The following PACS1 variants were observed in gnomAD, a reference collection of about 807,000 sequenced individuals.
The protein encoded by PACS1 is PACS-1.
PACS1 carries 24 observed loss-of-function variants against 115.0 expected under a neutral mutation model. That is an observed-to-expected ratio of 0.21 (90% CI 0.15 to 0.29). The LOEUF (loss-of-function observed/expected upper bound fraction) is 0.29, where lower values mean the gene tolerates loss of function less well. Ranked by LOEUF, PACS1 falls within the 10% of genes least tolerant of loss-of-function variation. The pLI is 1.00. For synonymous variants in PACS1, 453 were observed against 504.5 expected (o/e 0.90, Z 1.37); for missense variants, 838 against 1,251.2 (o/e 0.67, Z 4.98).
chr11:66,200,110 G>A (rs748692480), intron 2 of PACS1, among the ~76,000 whole-genome samples: 2 of 152,184 alleles, frequency 1.3e-5, no homozygotes, highest in African/African-American at 4.8e-5. Context: ...AGCACTTTGG[G>A]AGGCTGAGGT....
At chr11:66,180,379 G>A (rs1234943138) in intron 1 of PACS1, among the ~76,000 whole-genome samples, 1 of 151,072 alleles carries the variant, frequency 6.6e-6, no homozygotes, top group East Asian at 2.0e-4. Flanking sequence ...TGTGTGAAAC[G>A]GAGTCTCACT....
At chr11:66,224,335 T>C (rs1855427246) in intron 10 of PACS1, among the ~76,000 whole-genome samples, 4 of 152,124 alleles carry the variant, frequency 2.6e-5, no homozygotes, top group African/African-American at 9.7e-5. Flanking sequence ...CTCCACTGAC[T>C]GTGTGATCTT....
chr11:66,100,598 C>T (rs1179594623), intron 1 of PACS1, among the ~76,000 whole-genome samples: 2 of 152,214 alleles, frequency 1.3e-5, no homozygotes, highest in African/African-American at 2.4e-5. Flanking sequence ...AAAAGTCTCT[C>T]CAAAAGTTAT....
chr11:66,167,333 C>CTTTTTT lies in PACS1; in HGVS notation c.357-26140_357-26135dup, dbSNP rs762768413. 5.8e-4 allele frequency among the ~76,000 whole-genome samples: 59 copies of CTTTTTT among 101,094 alleles called. 3 individuals are homozygous for CTTTTTT. The highest frequency in any genetic ancestry group is 7.3e-4 in the Non-Finnish European group (39 of 53,242). The allele number at this position is 101,094 out of a possible 152,430, so 66.3% of individuals were successfully genotyped here. A position where few individuals can be genotyped will look rare whatever the true frequency, so the allele number is the denominator to read the frequency against. ...CTCTGGGTTCATGGCTTTGGCTTGT[C>CTTTTTT]TTTTTTTTTTTTTTTTTTGTTGAGA... On this transcript the variant is annotated intron_variant, in intron 1 of 23. Coordinates refer to ENST00000320580, the MANE Select transcript of PACS1 (RefSeq NM_018026.4).
At chr11:66,239,316 A>C (rs1170778105) in intron 21 of PACS1, 39 bp downstream of exon 21, 1 of 1,584,496 alleles carries the variant, frequency 6.3e-7, no homozygotes. Context: ...CATGCCCTCC[A>C]TCAGGCCCAC....
chr11:66,118,126 G>C (rs1459983736), intron 1 of PACS1, among the ~76,000 whole-genome samples: 1 of 152,224 alleles, frequency 6.6e-6, no homozygotes, highest in African/African-American at 2.4e-5. Context: ...GTAATCAGAT[G>C]CCTGGCTTTG....
At position 66,221,250 on chromosome 11, in the gene PACS1, G is replaced by A. The variant is rs1012960583; in HGVS notation, c.1293+3G>A. ...TCGGAAAAGACACCACCAGCCCTGT[G>A]AGCGCAACCGCGACTGCGGGGCGGG... On this transcript the variant is annotated splice_donor_region_variant and intron_variant, in intron 10 of 23. Coordinates refer to ENST00000320580, the MANE Select transcript of PACS1 (RefSeq NM_018026.4). 1 of 1,613,720 alleles carries A rather than the reference G, an allele frequency of 6.2e-7. No individual in the cohort carries two copies. The highest frequency in any genetic ancestry group is 1.3e-5 in the African/African-American group (1 of 74,946).
intron 1 of PACS1, among the ~76,000 whole-genome samples, chr11:66,088,608 T>C (rs1399304347): frequency 6.6e-6 from 1 of 152,226 alleles, no homozygotes; most frequent in Admixed American, 6.5e-5. Context: ...CATCGGTCAG[T>C]CTGTCCATCC....
intron 1 of PACS1, among the ~76,000 whole-genome samples, chr11:66,157,260 G>A (rs1418921753): frequency 6.6e-6 from 1 of 152,224 alleles, no homozygotes; most frequent in Non-Finnish European, 1.5e-5. Context: ...AGGATGAAGA[G>A]ATTGGGAGAG....
At chr11:66,173,081 T>C (rs1014293214) in intron 1 of PACS1, among the ~76,000 whole-genome samples, 1 of 151,604 alleles carries the variant, frequency 6.6e-6, no homozygotes, top group Non-Finnish European at 1.5e-5. Context: ...TAAAATGTTT[T>C]TTGATTTTGG....
At chr11:66,080,140 A>G (rs1017629318) in intron 1 of PACS1, among the ~76,000 whole-genome samples, 3 of 152,236 alleles carry the variant, frequency 2.0e-5, no homozygotes, top group Non-Finnish European at 2.9e-5. Flanking sequence ...TGTCAAATCA[A>G]TGACACTGAT....
At chr11:66,221,943 C>A (rs2134720547) in intron 10 of PACS1, among the ~76,000 whole-genome samples, 1 of 152,212 alleles carries the variant, frequency 6.6e-6, no homozygotes, top group Non-Finnish European at 1.5e-5. Context: ...TGGTGAAAGC[C>A]CATCTCTACG....
rs1055498595 is a variant in PACS1, at chr11:66,166,968, A to T, written c.357-26518A>T. Reference sequence around the variant, plus strand: ...AATTGCTGGATCATGGACTTCACATATGTTTAGCCTCAAAAGATGATGCCT... The same window carrying T: ...AATTGCTGGATCATGGACTTCACATTTGTTTAGCCTCAAAAGATGATGCCT... On this transcript the variant is annotated intron_variant, in intron 1 of 23. Transcript: ENST00000320580. 2.0e-5 allele frequency among the ~76,000 whole-genome samples: 3 copies of T among 150,264 alleles called. 1 individual carries two copies. Among genetic ancestry groups the T allele is most frequent in the Admixed American group, 2.0e-4 (3 of 15,220 alleles).
At chr11:66,137,022 G>C (rs77821550) in intron 1 of PACS1, among the ~76,000 whole-genome samples, 4 of 132,298 alleles carry the variant, frequency 3.0e-5, no homozygotes, top group South Asian at 2.5e-4. Flanking sequence ...GTCACAAATT[G>C]CCCCCCCCCC....
At chr11:66,111,720 G>A (rs1858190157) in intron 1 of PACS1, among the ~76,000 whole-genome samples, 1 of 152,074 alleles carries the variant, frequency 6.6e-6, no homozygotes, top group Admixed American at 6.5e-5. Context: ...CGTGATCTCT[G>A]CTCACTGCAA....
chr11:66,175,104 T>C (rs562203517), intron 1 of PACS1, among the ~76,000 whole-genome samples: 4 of 151,892 alleles, frequency 2.6e-5, no homozygotes, highest in Non-Finnish European at 5.9e-5. Context: ...TGAGCCAAGA[T>C]TGCACCATTG....
At chr11:66,198,166 T>A (rs1854691035) in intron 2 of PACS1, among the ~76,000 whole-genome samples, 1 of 152,258 alleles carries the variant, frequency 6.6e-6, no homozygotes, top group African/African-American at 2.4e-5. Context: ...CCTCTCGCCT[T>A]GACCTCCCAG....
chr11:66,114,722 A>G (rs1858265540), intron 1 of PACS1, among the ~76,000 whole-genome samples: 1 of 152,168 alleles, frequency 6.6e-6, no homozygotes, highest in Non-Finnish European at 1.5e-5. Flanking sequence ...TTAGAACTAC[A>G]CTGAAAACTT....
intron 1 of PACS1, among the ~76,000 whole-genome samples, chr11:66,177,424 C>T (rs1168958508): frequency 6.6e-6 from 1 of 152,114 alleles, no homozygotes; most frequent in Non-Finnish European, 1.5e-5. Flanking sequence ...CTCCTGACCT[C>T]AGGTGATCTA....
Sources: allele counts gnomAD v4.1 joint callset (sites outside exome capture counted in the v4.1 genomes callset), GRCh38; gene constraint gnomAD v4.1.1; transcripts MANE v1.5; gene names NCBI Gene and HGNC (gene_info 2026-07-23, HGNC 2026-07-21).